Variants in LPP observed in about 807,000 individuals in gnomAD.
LPP encodes the protein lipoma-preferred partner.
In LPP, 38 loss-of-function variants were observed where a neutral mutation model predicts 60.4. The ratio of observed to expected loss-of-function variants is 0.63; its 90% confidence interval spans 0.49 to 0.83. The LOEUF is 0.83. LPP is among the 40% of genes least tolerant of loss of function. The pLI, the probability that LPP is intolerant of heterozygous loss-of-function variation, is 0.00. For synonymous variants in LPP, 328 were observed against 290.8 expected (o/e 1.13, Z -1.30); for missense variants, 902 against 783.6 (o/e 1.15, Z -1.80).
rs540308068 is a variant in LPP at position 188,749,393 on chromosome 3, T to C, written c.1241-10720T>C. ...TGTTATAGAGTCTGTAAATGAAGAG[T>C]TTGGAATGGCTACTTTCTAAATTTT... On this transcript the variant is annotated intron_variant, in intron 8 of 11. Coordinates refer to ENST00000617246, the MANE Select transcript of LPP (RefSeq NM_001375462.1). Among the ~76,000 whole-genome samples the C allele has an allele frequency of 1.3e-3, 203 of 152,236 alleles. 1 individual carries two copies. Among genetic ancestry groups the C allele is most frequent in the Non-Finnish European group, 1.7e-3 (114 of 68,004 alleles).
In LPP at chr3:188,352,816, G is replaced by A. The variant is rs73053601; in HGVS notation, c.-10+11097G>A. Among the ~76,000 whole-genome samples, 4,798 of 152,272 alleles carry A rather than the reference G, an allele frequency of 0.032. 234 individuals are homozygous for A. Among genetic ancestry groups the A allele is most frequent in the African/African-American group, 0.11 (4,618 of 41,530 alleles). Reference sequence around the variant, plus strand: ...GAGTGGGCAGAGAAGGTGAAGACACGGAGAGTAACTCAGTGCAGAGGCAGC... The same window carrying A: ...GAGTGGGCAGAGAAGGTGAAGACACAGAGAGTAACTCAGTGCAGAGGCAGC... On this transcript the variant is annotated intron_variant, in intron 3 of 11. Coordinates refer to ENST00000617246, the MANE Select transcript of LPP (RefSeq NM_001375462.1). The surrounding 1 kb of genome is among the most constrained non-coding windows in gnomAD (Gnocchi z 4.4).
chr3:188,272,436 T>C (rs559061538), intron 2 of LPP, among the ~76,000 whole-genome samples: 1 of 152,342 alleles, frequency 6.6e-6, no homozygotes, highest in East Asian at 1.9e-4. Context: ...CAAATTCTTT[T>C]GTGTAACATT....
chr3:188,758,275 C>T (rs1006187094), intron 8 of LPP, among the ~76,000 whole-genome samples: 3 of 152,142 alleles, frequency 2.0e-5, no homozygotes, highest in Admixed American at 2.0e-4. Flanking sequence ...ATTCTCCTGC[C>T]TCAGCCTCCT....
intron 1 of LPP, among the ~76,000 whole-genome samples, chr3:188,167,990 T>C (rs745434207): frequency 5.9e-5 from 9 of 152,262 alleles, no homozygotes; most frequent in Non-Finnish European, 1.3e-4. Flanking sequence ...GTTTATTGTT[T>C]GTGTTTCTCT....
At chr3:188,203,468 T>TA (rs1491530582) in intron 1 of LPP, among the ~76,000 whole-genome samples, 1 of 91,454 alleles carries the variant, frequency 1.1e-5, no homozygotes, top group African/African-American at 4.5e-5. Flanking sequence ...AATATATATA[T>TA]TTTTAAATAT....
chr3:188,602,817 C>G (rs1841662405), intron 6 of LPP, among the ~76,000 whole-genome samples: 3 of 151,046 alleles, frequency 2.0e-5, no homozygotes, highest in Admixed American at 2.0e-4. Flanking sequence ...ACGTGACTTT[C>G]CCAATGTCAC....
chr3:188,735,021 G>A (rs1278075124), intron 8 of LPP, among the ~76,000 whole-genome samples: 3 of 152,176 alleles, frequency 2.0e-5, no homozygotes, highest in Admixed American at 6.5e-5. Flanking sequence ...TATTCACGTC[G>A]TTGTTGATCA....
chr3:188,609,603 C>T lies in LPP; in HGVS notation c.872C>T (p.Pro291Leu), dbSNP rs751805450. 55 of 1,614,122 alleles carry T rather than the reference C, an allele frequency of 3.4e-5. 1 individual carries two copies. The highest frequency in any genetic ancestry group is 5.5e-5 in the South Asian group (5 of 91,078). The change falls in exon 7 of 12, where the codon CCC (proline) becomes CTC (leucine). Residue 291 changes from proline (P) to leucine (L), a missense_variant. Pro to Leu is a moderately conservative substitution (Grantham distance 98). Coordinates refer to ENST00000617246, the MANE Select transcript of LPP (RefSeq NM_001375462.1). The surrounding 1 kb of genome is among the most constrained non-coding windows in gnomAD (Gnocchi z 6.9). ...LQPEPGYGYA[P>L]NQGRYYEGYY... ...CCGGAGCCTGGGTATGGGTATGCCC[C>T]CAACCAGGGACGCTATTATGAAGGC...
At chr3:188,855,280 A>G (rs1475279247) in intron 9 of LPP, among the ~76,000 whole-genome samples, 1 of 152,242 alleles carries the variant, frequency 6.6e-6, no homozygotes, top group Non-Finnish European at 1.5e-5. Flanking sequence ...TTAATTTTGT[A>G]TTCAACCAAT....
intron 1 of LPP, among the ~76,000 whole-genome samples, chr3:188,203,629 A>AAATATATATAAATATATAT (rs1732306043): frequency 1.8e-5 from 2 of 108,290 alleles, no homozygotes; most frequent in Admixed American, 1.3e-4. Context: ...ATATATACAT[A>AAATATATATAAATATATAT]TCAAATATGT....
At chr3:188,806,682 A>G (rs1482756557) in intron 9 of LPP, among the ~76,000 whole-genome samples, 1 of 151,728 alleles carries the variant, frequency 6.6e-6, no homozygotes, top group Non-Finnish European at 1.5e-5. Flanking sequence ...TTTGTTTATT[A>G]TTTATACTCT....
Position 188,885,148 on chromosome 3 carries a change from C to T in LPP, c.*10669C>T, listed in dbSNP as rs1196368054. 4.7e-6 allele frequency: 1 copy of T among 211,556 alleles called. No individual in the cohort carries two copies. Among genetic ancestry groups the T allele is most frequent in the Non-Finnish European group, 9.6e-6 (1 of 104,690 alleles). The allele number at this position is 211,556 out of a possible 1,614,324, so 13.1% of individuals were successfully genotyped here. A position where few individuals can be genotyped will look rare whatever the true frequency, so the allele number is the denominator to read the frequency against. On this transcript the variant is annotated 3_prime_UTR_variant, in exon 12 of 12. Coordinates refer to ENST00000617246, the MANE Select transcript of LPP (RefSeq NM_001375462.1). ...GTGCTTTCCACTTTTTATTTCCTCT[C>T]ATTTCACTCCTTTCATTGTTTGCTA... is the stretch of plus-strand genomic sequence containing the variant.
chr3:188,165,521 T>C (rs1055406368), intron 1 of LPP, among the ~76,000 whole-genome samples: 5 of 152,144 alleles, frequency 3.3e-5, no homozygotes, highest in Admixed American at 1.3e-4. Flanking sequence ...GCTGTGGAGA[T>C]GGGTTAGGGT....
chr3:188,379,520 A>AACAC (rs1477205470), intron 3 of LPP, among the ~76,000 whole-genome samples: 1 of 152,194 alleles, frequency 6.6e-6, no homozygotes, highest in Non-Finnish European at 1.5e-5. Flanking sequence ...CAAACAAACA[A>AACAC]AACCAAAACA....
intron 6 of LPP, among the ~76,000 whole-genome samples, chr3:188,579,714 C>A (rs780437250): frequency 6.6e-6 from 1 of 150,470 alleles, no homozygotes; most frequent in Non-Finnish European, 1.5e-5. Flanking sequence ...AATCTGAGCT[C>A]TTTGGGATGC....
intron 3 of LPP, among the ~76,000 whole-genome samples, chr3:188,372,381 G>C (rs1274129312): frequency 6.6e-6 from 1 of 151,936 alleles, no homozygotes; most frequent in Admixed American, 6.6e-5. Context: ...CAATTAGTAA[G>C]AAAAACACTT....
At chr3:188,713,389 G>GAAA (rs34959281) in intron 8 of LPP, among the ~76,000 whole-genome samples, 1 of 144,574 alleles carries the variant, frequency 6.9e-6, no homozygotes. Context: ...AATTCTGGAT[G>GAAA]AAAAAAAAAA....
chr3:188,354,546 T>C (rs1486041116), intron 3 of LPP, among the ~76,000 whole-genome samples: 1 of 152,212 alleles, frequency 6.6e-6, no homozygotes, highest in African/African-American at 2.4e-5. Flanking sequence ...CTTGGGTTTT[T>C]AGTGGGGAGG....
intron 1 of LPP, among the ~76,000 whole-genome samples, chr3:188,178,375 T>A (rs933621847): frequency 6.6e-6 from 1 of 152,234 alleles, no homozygotes; most frequent in Non-Finnish European, 1.5e-5. Context: ...TCTTCATTTA[T>A]CTGTTTTTTT....
Sources: gnomAD v4.1 joint callset for allele counts (sites outside exome capture counted in the v4.1 genomes callset) on GRCh38, gnomAD v4.1.1 for gene constraint, Gnocchi (gnomAD v3.1) non-coding constraint, MANE v1.5 for transcripts, NCBI Gene and HGNC (gene_info 2026-07-23, HGNC 2026-07-21) for gene names.